Variants in MGAT4C observed in about 807,000 individuals in gnomAD.
MGAT4C encodes the protein alpha-1,3-mannosyl-glycoprotein 4-beta-N-acetylglucosaminyltransferase C.
In MGAT4C, 19 loss-of-function variants were observed where a neutral mutation model predicts 40.1. The observed-to-expected ratio is 0.47, with a 90% CI of 0.33 to 0.70. MGAT4C has a LOEUF of 0.70. MGAT4C is among the 30% of genes least tolerant of loss of function. The probability of loss-of-function intolerance (pLI) is 0.02; values close to 1 mark genes in which losing one functional copy is unlikely to be tolerated. For synonymous variants in MGAT4C, 181 were observed against 187.1 expected, an observed-to-expected ratio of 0.97 and a Z score of 0.27; for missense variants, 491 against 563.2, an observed-to-expected ratio of 0.87 and a Z score of 1.30.
At chr12:86,043,108 G>T (rs1469317813) in intron 2 of MGAT4C, among the ~76,000 whole-genome samples, 2 of 152,096 alleles carry the variant, frequency 1.3e-5, no homozygotes, top group South Asian at 2.1e-4. Context: ...TTCTGAATTT[G>T]AATATTGTGT....
intron 2 of MGAT4C, among the ~76,000 whole-genome samples, chr12:86,576,575 A>G (rs1960567081): frequency 6.6e-6 from 1 of 151,806 alleles, no homozygotes; most frequent in African/African-American, 2.4e-5. Context: ...TATTGAAGAG[A>G]CTGTCATTTC....
intron 2 of MGAT4C, among the ~76,000 whole-genome samples, chr12:86,627,295 C>A (rs985235923): frequency 2.0e-5 from 3 of 152,178 alleles, no homozygotes; most frequent in African/African-American, 7.2e-5. Flanking sequence ...GGGGGCAGGG[C>A]ATAGCTGAAC....
intron 2 of MGAT4C, among the ~76,000 whole-genome samples, chr12:86,448,830 T>C (rs535823477): frequency 6.6e-6 from 1 of 152,314 alleles, no homozygotes; most frequent in Non-Finnish European, 1.5e-5. Flanking sequence ...ATAATGAATG[T>C]TAAAACATAC....
intron 3 of MGAT4C, among the ~76,000 whole-genome samples, chr12:86,399,191 C>T (rs141496921): frequency 2.0e-5 from 3 of 151,852 alleles, no homozygotes; most frequent in African/African-American, 7.2e-5. Flanking sequence ...AGGATAGTCT[C>T]GATCTCTTGA....
Position 85,979,316 on chromosome 12 carries a change from A to C in MGAT4C, c.1410T>G (p.Ile470Met). The part of the protein sequence containing the change: ...VTKTQKEWLI[I>M]RSISIWTS ...AAGAAGTCCAAATGCTAATACTCCTAATAATTAGCCATTCCTTTTGTGTTT... is the reference window on the plus strand; with the variant it reads ...AAGAAGTCCAAATGCTAATACTCCTCATAATTAGCCATTCCTTTTGTGTTT... The change falls in exon 5 of 5, where the codon ATT (isoleucine) becomes ATG (methionine). Residue 470 changes from isoleucine (I) to methionine (M), a missense_variant. Physicochemically the swap from Ile to Met is conservative, Grantham distance 10 (BLOSUM62 1). Transcript: ENST00000611864. 6.2e-7 allele frequency: 1 copy of C among 1,605,914 alleles called. No homozygotes were observed.
chr12:86,384,585 T>TAA (rs1956017722), intron 3 of MGAT4C, among the ~76,000 whole-genome samples: 1 of 152,250 alleles, frequency 6.6e-6, no homozygotes, highest in Non-Finnish European at 1.5e-5. Context: ...GAAAAACATC[T>TAA]AAATTGTGAA....
intron 2 of MGAT4C, among the ~76,000 whole-genome samples, chr12:86,708,158 C>T (rs1405509684): frequency 2.0e-5 from 3 of 152,176 alleles, no homozygotes; most frequent in East Asian, 1.9e-4. Flanking sequence ...CCAGGGTCCC[C>T]ATGCTGTTTG....
intron 2 of MGAT4C, among the ~76,000 whole-genome samples, chr12:86,020,846 G>A (rs1292957814): frequency 6.6e-6 from 1 of 151,990 alleles, no homozygotes; most frequent in Non-Finnish European, 1.5e-5. Flanking sequence ...ATCTGACAAA[G>A]GGGCTAATAT....
At chr12:86,361,365 C>A (rs1277716859) in intron 3 of MGAT4C, among the ~76,000 whole-genome samples, 3 of 152,148 alleles carry the variant, frequency 2.0e-5, no homozygotes, top group Admixed American at 6.5e-5. Context: ...AAATGTTAGA[C>A]CTAAAACCAT....
intron 1 of MGAT4C, among the ~76,000 whole-genome samples, chr12:86,191,098 C>T (rs965556644): frequency 8.1e-6 from 1 of 123,912 alleles, no homozygotes; most frequent in Non-Finnish European, 1.5e-5. Flanking sequence ...CACACACACA[C>T]ACACACACAC....
intron 1 of MGAT4C, among the ~76,000 whole-genome samples, chr12:86,091,864 C>T (rs887231702): frequency 6.8e-6 from 1 of 147,466 alleles, no homozygotes; most frequent in Non-Finnish European, 1.5e-5. Flanking sequence ...GACACAAAGA[C>T]ATTACGAGAG....
chr12:86,246,964 T>G (rs1281832709), intron 1 of MGAT4C, among the ~76,000 whole-genome samples: 1 of 152,220 alleles, frequency 6.6e-6, no homozygotes, highest in African/African-American at 2.4e-5. Context: ...CTCAATTACA[T>G]TCTTTCTAGT....
intron 2 of MGAT4C, among the ~76,000 whole-genome samples, chr12:86,036,747 G>A (rs192207297): frequency 1.2e-4 from 18 of 149,878 alleles, no homozygotes; most frequent in Non-Finnish European, 2.7e-4. Flanking sequence ...TATTGGCCTG[G>A]AATTGTCTTT....
At chr12:86,741,369 A>G (rs1951066494) in intron 1 of MGAT4C, among the ~76,000 whole-genome samples, 2 of 151,288 alleles carry the variant, frequency 1.3e-5, no homozygotes, top group South Asian at 2.1e-4. Flanking sequence ...GCTGTATAAT[A>G]TTTTTATATG....
At chr12:86,165,401 A>G (rs1382791257) in intron 1 of MGAT4C, among the ~76,000 whole-genome samples, 1 of 152,092 alleles carries the variant, frequency 6.6e-6, no homozygotes, top group East Asian at 1.9e-4. Context: ...ATTGTTTTAC[A>G]TGTATTTTGT....
At chr12:86,158,667 G>A (rs1885254332) in intron 1 of MGAT4C, among the ~76,000 whole-genome samples, 1 of 152,106 alleles carries the variant, frequency 6.6e-6, no homozygotes, top group South Asian at 2.1e-4. Flanking sequence ...TAAAAACAAT[G>A]AAGGTCATAT....
At chr12:86,099,704 T>A (rs909121567) in intron 1 of MGAT4C, among the ~76,000 whole-genome samples, 4 of 151,466 alleles carry the variant, frequency 2.6e-5, no homozygotes, top group Admixed American at 2.0e-4. Flanking sequence ...GTATATTTGT[T>A]GTTTATTTTG....
chr12:85,983,944 T>TAAA (rs902113954), intron 3 of MGAT4C, among the ~76,000 whole-genome samples: 12 of 152,106 alleles, frequency 7.9e-5, no homozygotes, highest in Non-Finnish European at 5.9e-5. Flanking sequence ...GATAATCTCT[T>TAAA]AAAAAAAGAA....
chr12:85,986,034 G>C (rs1321780233), intron 3 of MGAT4C, among the ~76,000 whole-genome samples: 5 of 152,130 alleles, frequency 3.3e-5, no homozygotes, highest in African/African-American at 1.2e-4. Flanking sequence ...TTATAAGATG[G>C]AGTACATTCA....
Sources: gnomAD v4.1 joint callset for allele counts (sites outside exome capture counted in the v4.1 genomes callset) on GRCh38, gnomAD v4.1.1 for gene constraint, MANE v1.5 for transcripts, NCBI Gene and HGNC (gene_info 2026-07-23, HGNC 2026-07-21) for gene names.